ADAM33: variants seen among roughly 807,000 people sequenced by gnomAD.
ADAM33 encodes ADAM metallopeptidase domain 33.
Under a neutral mutation model 106.2 loss-of-function variants are expected in ADAM33, and 103 were observed. The observed-to-expected ratio is 0.97, with a 90% CI of 0.83 to 1.14. The LOEUF is 1.14. Among genes scored for constraint, ADAM33 ranks in the 50% most tolerant of loss-of-function variants. The pLI is 0.00. For synonymous variants in ADAM33, 483 were observed against 453.0 expected (o/e 1.07, Z -0.84); for missense variants, 1,120 against 1,096.6 (o/e 1.02, Z -0.30).
chr20:3,669,717 G>T, intron 19 of ADAM33, 80 bp from the exon 20 acceptor site: 4 of 1,302,872 alleles, frequency 3.1e-6, no homozygotes, highest in Non-Finnish European at 3.3e-6. Context: ...ATGGTGTCCA[G>T]CCCAGGGAGT....
At chr20:3,669,525 T>C in intron 20 of ADAM33, 21 bp downstream of exon 20, 1 of 1,560,562 alleles carries the variant, frequency 6.4e-7, no homozygotes, top group Non-Finnish European at 8.7e-7. Flanking sequence ...CCTCTCCACC[T>C]CCCCCTGGTG....
chr20:3,676,871 C>G (rs528336571), intron 3 of ADAM33, among the ~76,000 whole-genome samples, 196 bp downstream of exon 3: 84 of 152,312 alleles, frequency 5.5e-4, no homozygotes, highest in African/African-American at 2.0e-3. Flanking sequence ...GGCGGAGGTG[C>G]CCCACAGCGG....
rs769833760 is a variant in ADAM33, at chr20:3,673,794, G to T, written c.856C>A (p.Arg286Ser). The part of the protein sequence containing the change: ...NATLWAFLQW[R>S]RGLWAQRPHD... ...GGCCGCTGCGCCCACAGCCCCCGGC[G>T]CCACTGCAGGAAGGCCCAGAGCGTG... The change falls in exon 9 of 22, where the codon CGC becomes AGC. Residue 286 changes from arginine (R) to serine (S), a missense_variant. Physicochemically the swap from Arg to Ser is moderately radical, Grantham distance 110. Transcript: ENST00000356518. 1 of 1,537,670 alleles carries T rather than the reference G, an allele frequency of 6.5e-7. No individual in the cohort carries two copies. The highest frequency in any genetic ancestry group is 1.4e-5 in the African/African-American group (1 of 73,412).
Position 3,672,791 on chromosome 20 carries a change from G to T in ADAM33, c.1241C>A (p.Pro414Gln). The change falls in exon 12 of 22, where the codon CCG becomes CAG. Residue 414 changes from proline to glutamine, a missense_variant. Coordinates refer to ENST00000356518, the MANE Select transcript of ADAM33 (RefSeq NM_025220.5). ...GTTCCCGCAGAGCGCCGGCGGCACC[G>T]GGAGTCCGGGGTCCGGGGCATTGGA... ...CLSNAPDPGL[P>Q]VPPALCGNGF... The T allele has an allele frequency of 6.4e-7, 1 of 1,571,646 alleles. No individual in the cohort carries two copies. The highest frequency in any genetic ancestry group is 1.4e-5 in the African/African-American group (1 of 73,924).
At chr20:3,670,575 CA>C (rs2087468467) in intron 19 of ADAM33, 1 of 175,242 alleles carries the variant, frequency 5.7e-6, no homozygotes, top group Admixed American at 5.5e-5. Context: ...TTGGGAACTT[CA>C]AGGGGGTGAC....
rs1220716090 is a variant in ADAM33, at chr20:3,668,654, G to A, written c.*309C>T. 1 of 427,690 alleles carries A rather than the reference G, an allele frequency of 2.3e-6. No homozygotes were observed. The highest frequency in any genetic ancestry group is 4.4e-6 in the Non-Finnish European group (1 of 229,676). The allele number at this position is 427,690 out of a possible 1,614,324, so 26.5% of individuals were successfully genotyped here. A position where few individuals can be genotyped will look rare whatever the true frequency, so the allele number is the denominator to read the frequency against. On this transcript the variant is annotated 3_prime_UTR_variant, in exon 22 of 22. Transcript: ENST00000356518. ...GACTCCCAGGACAGAGCCCTTTTGG[G>A]ATGGCCAGCACTACCCAGCCTCCAC...
Position 3,668,726 on chromosome 20 carries a change from T to A in ADAM33, c.*237A>T, listed in dbSNP as rs41367444. The A allele has an allele frequency of 3.3e-3, 1,793 of 549,566 alleles. 19 individuals carry two copies. Among genetic ancestry groups the A allele is most frequent in the African/African-American group, 0.03 (1,584 of 52,522 alleles). 34.0% of individuals were successfully genotyped at this position (549,566 alleles called of 1,614,324 possible). ...GTGTGACCTTTGCTTCTGGGACTGA[T>A]GGTTTATTGAGCTGGAGAGTGTGCC... On this transcript the variant is annotated 3_prime_UTR_variant, in exon 22 of 22. Coordinates refer to ENST00000356518, the MANE Select transcript of ADAM33 (RefSeq NM_025220.5).
intron 12 of ADAM33, 30 bp from the exon 13 acceptor site, chr20:3,672,656 G>A: frequency 6.2e-7 from 1 of 1,612,116 alleles, no homozygotes; most frequent in Non-Finnish European, 8.5e-7. Flanking sequence ...AAGGGCCCAG[G>A]TGAGGGCGCA....
In ADAM33 at chr20:3,671,235, A is replaced by G. The variant is rs1234066149; in HGVS notation, c.2092+2T>C. 6.2e-7 allele frequency: 1 copy of G among 1,613,494 alleles called. No individual in the cohort carries two copies. Among genetic ancestry groups the G allele is most frequent in the Non-Finnish European group, 8.5e-7 (1 of 1,179,744 alleles). Reference sequence around the variant, plus strand: ...CTGCCCACATGCCCCCCACTGGCATACTTTCAGCCTGCACAGGGCCACTGT... The same window carrying G: ...CTGCCCACATGCCCCCCACTGGCATGCTTTCAGCCTGCACAGGGCCACTGT... On this transcript the variant is annotated splice_donor_variant, in intron 18 of 21. Coordinates refer to ENST00000356518, the MANE Select transcript of ADAM33 (RefSeq NM_025220.5). LOFTEE classifies it high-confidence loss of function.
chr20:3,671,055 G>A lies in ADAM33; in HGVS notation c.2191C>T (p.His731Tyr). 6.4e-7 allele frequency: 1 copy of A among 1,566,322 alleles called. No individual in the cohort carries two copies. Among genetic ancestry groups the A allele is most frequent in the South Asian group, 1.2e-5 (1 of 85,646 alleles). The change falls in exon 19 of 22, where the codon CAT (histidine) becomes TAT (tyrosine). Residue 731 changes from histidine to tyrosine, a missense_variant. His to Tyr is a moderately conservative substitution (Grantham distance 83). Transcript: ENST00000356518. ...CAGCCCCAGCTGCATCGCTGCAGATGGGCTCCTGGGAGTCGGTAGCAACAC... is the reference window on the plus strand; with the variant it reads ...CAGCCCCAGCTGCATCGCTGCAGATAGGCTCCTGGGAGTCGGTAGCAACAC... ...AWCCYRLPGA[H>Y]LQRCSWGCRR...
Position 3,671,661 on chromosome 20 carries a change from C to T in ADAM33, c.1825G>A (p.Ala609Thr). 1.3e-6 allele frequency: 2 copies of T among 1,580,008 alleles called. No individual in the cohort carries two copies. The highest frequency in any genetic ancestry group is 1.7e-6 in the Non-Finnish European group (2 of 1,162,520). ...AGCTGGGCACTGGGGAGTGCCAAGG[C>T]TCCCCGACAAGTCACTTCCTGGCCA... ...LDGQEVTCRG[A>T]LALPSAQLDL... The change falls in exon 16 of 22, where the codon GCC (alanine) becomes ACC (threonine). Residue 609 changes from alanine to threonine, a missense_variant. By Grantham distance (58) the Ala-to-Thr change is moderately conservative. Transcript: ENST00000356518.
intron 1 of ADAM33, among the ~76,000 whole-genome samples, 192 bp downstream of exon 1, chr20:3,681,716 C>T (rs1183963455): frequency 4.6e-5 from 7 of 152,122 alleles, no homozygotes. Flanking sequence ...CCAGCCCAAG[C>T]ACACTTGAGC....
At chr20:3,681,768 C>T in intron 1 of ADAM33, 140 bp downstream of exon 1, 3 of 1,312,256 alleles carry the variant, frequency 2.3e-6, no homozygotes, top group Non-Finnish European at 3.0e-6. Context: ...AAAGAGTCCC[C>T]ACGCCCTGAC....
rs1195670569 is a variant in ADAM33 at position 3,674,819 on chromosome 20, C to A, written c.364G>T (p.Gly122Cys). 4 of 1,611,156 alleles carry A rather than the reference C, an allele frequency of 2.5e-6. No individual in the cohort carries two copies. In the South Asian group the frequency reaches 3.3e-5, roughly 13 times the overall value. Residue 122 changes from glycine (G) to cysteine (C), a missense_variant, in exon 5 of 22, where the codon GGC (glycine) becomes TGC (cysteine). By Grantham distance (159) the Gly-to-Cys change is radical. Coordinates refer to ENST00000356518, the MANE Select transcript of ADAM33 (RefSeq NM_025220.5). The stretch of plus-strand genomic sequence containing the variant: ...AGGACTACCCAGGAGTCGGGGAAGC[C>A]CCTTACTCGCCCTTGGTAGTGGCAA... ...DHCHYQGRVR[G>C]FPDSWVVLCT...
At position 3,675,248 on chromosome 20, in the gene ADAM33, C is replaced by T. The variant is rs948870461; in HGVS notation, c.255-143G>A. 1 of 658,390 alleles carries T rather than the reference C, an allele frequency of 1.5e-6. No homozygotes were observed. The highest frequency in any genetic ancestry group is 2.7e-6 in the Non-Finnish European group (1 of 372,906). The allele number at this position is 658,390 out of a possible 1,614,324, so 40.8% of individuals were successfully genotyped here. On this transcript the variant is annotated intron_variant, in intron 3 of 21. Coordinates refer to ENST00000356518, the MANE Select transcript of ADAM33 (RefSeq NM_025220.5). This position sits in a 1 kb window ranked among gnomAD's most constrained non-coding sequence, Gnocchi z 4.1. ...GTGTGTCTTAGGGAAGGGACAGGAG[C>T]AATGGTGACTTGCTCAGATCAGAAA...
Position 3,673,354 on chromosome 20 carries a change from C to G in ADAM33, c.1133G>C (p.Gly378Ala). ...SGGCVMAAAT[G>A]HPFPRVFSAC... ...CAGCCCCGACCCCCCACCCGCGTAC[C>G]CGGTGGCCGCAGCCATGACGCAGCC... Residue 378 changes from glycine to alanine, a missense_variant and splice_region_variant, in exon 11 of 22, where the codon GGG becomes GCG. Physicochemically the swap from Gly to Ala is moderately conservative, Grantham distance 60. Coordinates refer to ENST00000356518, the MANE Select transcript of ADAM33 (RefSeq NM_025220.5). 6.5e-7 allele frequency: 1 copy of G among 1,538,758 alleles called. No homozygotes were observed. Among genetic ancestry groups the G allele is most frequent in the Non-Finnish European group, 8.7e-7 (1 of 1,148,666 alleles).
Position 3,672,873 on chromosome 20 carries a change from C to T in ADAM33, c.1159G>A (p.Ala387Thr), listed in dbSNP as rs757305080. 24 of 1,575,450 alleles carry T rather than the reference C, an allele frequency of 1.5e-5. No homozygotes were observed. Among genetic ancestry groups the T allele is most frequent in the Non-Finnish European group, 1.9e-5 (22 of 1,169,732 alleles). ...TGHPFPRVFSACSRRQLRAFF... is the reference protein window; with the variant it reads ...TGHPFPRVFSTCSRRQLRAFF... ...GCGCGCAGCTGGCGGCGGCTGCAGG[C>T]GCTGAACACGCGCGGAAACGGGTGC... is the stretch of plus-strand genomic sequence containing the variant. Residue 387 changes from alanine (A) to threonine (T), a missense_variant, in exon 12 of 22, where the codon GCC becomes ACC. Physicochemically the swap from Ala to Thr is moderately conservative, Grantham distance 58. Coordinates refer to ENST00000356518, the MANE Select transcript of ADAM33 (RefSeq NM_025220.5).
chr20:3,671,610 C>T lies in ADAM33; in HGVS notation c.1876G>A (p.Glu626Lys), dbSNP rs776765534. Residue 626 changes from glutamate to lysine, a missense_variant, in exon 16 of 22, where the codon GAG becomes AAG. Coordinates refer to ENST00000356518, the MANE Select transcript of ADAM33 (RefSeq NM_025220.5). ...CTAGGTCCACACTGGGTGCCTGGCT[C>T]TACCAGGCCCAGGCCAAGCAGGTCC... ...QLDLLGLGLV[E>K]PGTQCGPRMV... 6.3e-7 allele frequency: 1 copy of T among 1,585,310 alleles called. No homozygotes were observed. The highest frequency in any genetic ancestry group is 8.6e-7 in the Non-Finnish European group (1 of 1,165,464).
Position 3,671,591 on chromosome 20 carries a change from C to A in ADAM33, c.1895G>T (p.Gly632Val), listed in dbSNP as rs773225099. 1 of 1,593,248 alleles carries A rather than the reference C, an allele frequency of 6.3e-7. No homozygotes were observed. Among genetic ancestry groups the A allele is most frequent in the Non-Finnish European group, 8.5e-7 (1 of 1,169,784 alleles). The change falls in exon 16 of 22, where the codon GGA becomes GTA. Residue 632 changes from glycine to valine, a missense_variant. Gly to Val is a moderately radical substitution (Grantham distance 109). Coordinates refer to ENST00000356518, the MANE Select transcript of ADAM33 (RefSeq NM_025220.5). ...LGLVEPGTQCGPRMVCQSRRC... is the reference protein window; with the variant it reads ...LGLVEPGTQCVPRMVCQSRRC... ...GTGGGCAGAGCTCACCATTCTAGGT[C>A]CACACTGGGTGCCTGGCTCTACCAG... is the stretch of plus-strand genomic sequence containing the variant.
Sources: allele counts gnomAD v4.1 joint callset (sites outside exome capture counted in the v4.1 genomes callset), GRCh38; gene constraint gnomAD v4.1.1; non-coding constraint Gnocchi (gnomAD v3.1); transcripts MANE v1.5; gene names NCBI Gene and HGNC (gene_info 2026-07-23, HGNC 2026-07-21).